Variants in SUMF1 observed in about 807,000 individuals in gnomAD.
The protein encoded by SUMF1 is formylglycine-generating enzyme.
SUMF1 carries 48 observed loss-of-function variants against 47.6 expected under a neutral mutation model. The observed-to-expected ratio is 1.01, with a 90% confidence interval of 0.80 to 1.28. The LOEUF is 1.28. Ranked by LOEUF, SUMF1 falls within the 50% of genes most tolerant of loss-of-function variation. The probability of loss-of-function intolerance (pLI) is 0.00; values close to 1 mark genes in which losing one functional copy is unlikely to be tolerated. For missense variants in SUMF1, 571 were observed against 485.4 expected (o/e 1.18, Z -1.66); for synonymous variants, 230 against 192.1 (o/e 1.20, Z -1.63).
At chr3:4,235,865 T>C (rs747988710) in intron 8 of SUMF1, among the ~76,000 whole-genome samples, 6 of 152,110 alleles carry the variant, frequency 3.9e-5, no homozygotes, top group Non-Finnish European at 7.4e-5. Context: ...CCACCTGCCA[T>C]GCTACTCGTC....
At chr3:4,381,554 C>A (rs934708649) in intron 7 of SUMF1, among the ~76,000 whole-genome samples, 3 of 152,174 alleles carry the variant, frequency 2.0e-5, no homozygotes, top group African/African-American at 7.2e-5. Context: ...ATGCTAAGCA[C>A]CCACTACAAA....
At chr3:4,047,426 T>A (rs1417341587) in intron 9 of SUMF1, among the ~76,000 whole-genome samples, 1 of 152,144 alleles carries the variant, frequency 6.6e-6, no homozygotes, top group Non-Finnish European at 1.5e-5. Context: ...GATTCGGTGC[T>A]TACAGGAGAC....
chr3:4,192,653 A>G (rs1430189410), intron 8 of SUMF1, among the ~76,000 whole-genome samples: 1 of 152,136 alleles, frequency 6.6e-6, no homozygotes, highest in East Asian at 1.9e-4. Flanking sequence ...GGTTCCTTGC[A>G]TAATACATGT....
chr3:4,372,618 T>C (rs924804429), intron 8 of SUMF1, among the ~76,000 whole-genome samples: 3 of 152,182 alleles, frequency 2.0e-5, no homozygotes, highest in African/African-American at 7.2e-5. Flanking sequence ...AGAACTTATA[T>C]ATGTTGGTTC....
chr3:4,080,118 G>A (rs976208891), intron 8 of SUMF1, among the ~76,000 whole-genome samples: 3 of 151,930 alleles, frequency 2.0e-5, no homozygotes, highest in African/African-American at 4.8e-5. Context: ...TTCACTGGAC[G>A]TTACAAACAG....
chr3:4,061,787 T>C (rs977181918), intron 9 of SUMF1, among the ~76,000 whole-genome samples: 3 of 152,066 alleles, frequency 2.0e-5, no homozygotes, highest in Non-Finnish European at 4.4e-5. Flanking sequence ...AACTCTATGA[T>C]TGGTACAAGA....
chr3:4,110,587 C>T (rs1402177213), intron 8 of SUMF1, among the ~76,000 whole-genome samples: 1 of 151,904 alleles, frequency 6.6e-6, no homozygotes, highest in South Asian at 2.1e-4. Context: ...AGACTTGGAA[C>T]CAACCCAAAT....
rs1237969839 is a variant in SUMF1 at position 4,430,872 on chromosome 3, C to G, written c.520-10726G>C. On this transcript the variant is annotated intron_variant, in intron 3 of 8. Transcript: ENST00000272902. ...GCAGGGCAGGAGTGGGAAGGGCATT[C>G]CACACAGGAGGCCACCTGTATTACA... Among the ~76,000 whole-genome samples the G allele has an allele frequency of 9.9e-5, 15 of 152,158 alleles. No homozygotes were observed. The East Asian group carries it at 2.9e-3, about 29-fold the overall frequency.
chr3:4,253,792 C>T lies in SUMF1; in HGVS notation c.1014+122538G>A, dbSNP rs1575023174. 2.0e-5 allele frequency among the ~76,000 whole-genome samples: 3 copies of T among 146,866 alleles called. No individual in the cohort carries two copies. In the South Asian group the frequency reaches 6.9e-4, roughly 34 times the overall value. On this transcript the variant is annotated intron_variant and NMD_transcript_variant, in intron 8 of 12. Transcript: ENST00000448413. ...AAGGAGGCCTGCCTGCCTCTGTAGG[C>T]TCCACCTCTGGGGGGCAGGGCACAG...
At chr3:4,384,692 C>T (rs1229973663) in intron 7 of SUMF1, among the ~76,000 whole-genome samples, 1 of 152,078 alleles carries the variant, frequency 6.6e-6, no homozygotes. Flanking sequence ...GAGTAGTATT[C>T]CATGGTGTGG....
At chr3:4,460,483 G>A (rs764298243) in intron 1 of SUMF1, among the ~76,000 whole-genome samples, 1 of 151,722 alleles carries the variant, frequency 6.6e-6, no homozygotes, top group East Asian at 1.9e-4. Context: ...TCTTTCACCC[G>A]CATTTCCATA....
At chr3:4,303,573 C>A (rs752129485) in intron 8 of SUMF1, 11 of 1,346,358 alleles carry the variant, frequency 8.2e-6, no homozygotes, top group East Asian at 3.2e-5. Flanking sequence ...GCGGCTCCCC[C>A]ACGTGGTCTC....
intron 8 of SUMF1, among the ~76,000 whole-genome samples, chr3:4,372,290 G>C (rs1052538621): frequency 6.6e-6 from 1 of 152,056 alleles, no homozygotes; most frequent in Admixed American, 6.6e-5. Flanking sequence ...CACAGAGTAA[G>C]ATTCTGTCTC....
intron 8 of SUMF1, among the ~76,000 whole-genome samples, chr3:4,349,984 T>C (rs1000748722): frequency 6.6e-6 from 1 of 151,624 alleles, no homozygotes. Context: ...ATAAGTTGTA[T>C]ATATTACGTA....
At chr3:4,142,636 T>G (rs1694098457) in intron 8 of SUMF1, among the ~76,000 whole-genome samples, 2 of 152,034 alleles carry the variant, frequency 1.3e-5, no homozygotes, top group African/African-American at 2.4e-5. Flanking sequence ...TAATCATCAT[T>G]TTATGTGTTT....
chr3:4,160,088 T>C (rs1694540976), intron 8 of SUMF1, among the ~76,000 whole-genome samples: 2 of 152,164 alleles, frequency 1.3e-5, no homozygotes, highest in South Asian at 2.1e-4. Context: ...TAGTTAAATA[T>C]CGATATCTCT....
At chr3:4,039,192 CT>C (rs1694861760) in intron 9 of SUMF1, among the ~76,000 whole-genome samples, 1 of 119,916 alleles carries the variant, frequency 8.3e-6, no homozygotes, top group African/African-American at 3.0e-5. Flanking sequence ...TCAAGCATGC[CT>C]GAAACATCTA....
At chr3:4,400,976 C>G (rs368353607) in intron 7 of SUMF1, among the ~76,000 whole-genome samples, 1 of 125,372 alleles carries the variant, frequency 8.0e-6, no homozygotes, top group South Asian at 3.3e-4. Context: ...CCCCCCACCC[C>G]ACAACAGGCC....
chr3:4,097,673 C>T (rs1692937355), intron 8 of SUMF1, among the ~76,000 whole-genome samples: 1 of 152,090 alleles, frequency 6.6e-6, no homozygotes, highest in African/African-American at 2.4e-5. Context: ...GTGATTTTCA[C>T]CCCCAAAATC....
Sources: allele counts gnomAD v4.1 joint callset (sites outside exome capture counted in the v4.1 genomes callset), GRCh38; gene constraint gnomAD v4.1.1; transcripts MANE v1.5; gene names NCBI Gene and HGNC (gene_info 2026-07-23, HGNC 2026-07-21).